Variants in THSD4 observed in about 807,000 individuals in gnomAD.
THSD4 encodes thrombospondin type 1 domain containing 4.
In THSD4, 69 loss-of-function variants were observed where a neutral mutation model predicts 119.0. That is an observed-to-expected ratio of 0.58 (90% CI 0.48 to 0.71). The LOEUF is 0.71. THSD4 is among the 30% of genes least tolerant of loss of function. The probability of loss-of-function intolerance (pLI) is 0.00; values close to 1 mark genes in which losing one functional copy is unlikely to be tolerated. For synonymous variants in THSD4, 524 were observed against 540.4 expected, an observed-to-expected ratio of 0.97 and a Z score of 0.42; for missense variants, 1,393 against 1,391.1, an observed-to-expected ratio of 1.00 and a Z score of -0.02.
At chr15:71,360,563 A>G (rs1308055074) in intron 6 of THSD4, among the ~76,000 whole-genome samples, 2 of 152,138 alleles carry the variant, frequency 1.3e-5, no homozygotes, top group Admixed American at 6.5e-5. Context: ...AGCAGGGTCC[A>G]GTTCTTTTGC....
chr15:71,316,143 T>A (rs1441563312), intron 6 of THSD4, among the ~76,000 whole-genome samples: 1 of 152,194 alleles, frequency 6.6e-6, no homozygotes, highest in Non-Finnish European at 1.5e-5. Context: ...TGGCTATGAC[T>A]GAAGTTACAC....
At chr15:71,517,635 G>A (rs2048379707) in intron 7 of THSD4, among the ~76,000 whole-genome samples, 1 of 152,188 alleles carries the variant, frequency 6.6e-6, no homozygotes, top group Non-Finnish European at 1.5e-5. Flanking sequence ...TCTCAGCTCT[G>A]TGTTAATGCA....
intron 6 of THSD4, chr15:71,341,705 C>A (rs372667876): frequency 3.4e-6 from 4 of 1,183,386 alleles, no homozygotes; most frequent in Non-Finnish European, 5.1e-6. Context: ...AAGTGAATAG[C>A]GAACCATTTT....
intron 7 of THSD4, among the ~76,000 whole-genome samples, chr15:71,540,848 G>A (rs2048750315): frequency 2.0e-5 from 3 of 149,440 alleles, no homozygotes; most frequent in East Asian, 2.0e-4. Flanking sequence ...TCAGCCTCCC[G>A]AGTAGATGGG....
intron 8 of THSD4, among the ~76,000 whole-genome samples, chr15:71,680,663 A>G (rs1294283867): frequency 6.6e-6 from 1 of 152,200 alleles, no homozygotes; most frequent in African/African-American, 2.4e-5. Context: ...TACTGTCTCA[A>G]ACATTTCAGT....
Position 71,765,785 on chromosome 15 carries a change from ACT to A in THSD4, c.2769+591_2769+592del, listed in dbSNP as rs1268256836. On this transcript the variant is annotated intron_variant, in intron 16 of 17. Coordinates refer to ENST00000261862, the MANE Select transcript of THSD4 (RefSeq NM_024817.3). The stretch of plus-strand genomic sequence containing the variant: ...ACATTACACAAACACACACGCACAC[ACT>A]CTCTGTGTGTGTGTGTGTGTGTGTG... Among the ~76,000 whole-genome samples the A allele has an allele frequency of 6.7e-3, 843 of 126,228 alleles. 11 individuals are homozygous for A. The highest frequency in any genetic ancestry group is 0.032 in the African/African-American group (805 of 24,872). 82.8% of individuals were successfully genotyped at this position (126,228 alleles called of 152,430 possible). A position where few individuals can be genotyped will look rare whatever the true frequency, so the allele number is the denominator to read the frequency against.
chr15:71,235,840 C>T (rs563544735), intron 4 of THSD4, among the ~76,000 whole-genome samples: 1 of 152,262 alleles, frequency 6.6e-6, no homozygotes, highest in South Asian at 2.1e-4. Context: ...ATTCTCCCAC[C>T]TCAGCCTCCG....
chr15:71,608,709 G>C (rs552996292), intron 7 of THSD4, among the ~76,000 whole-genome samples: 3 of 152,126 alleles, frequency 2.0e-5, no homozygotes, highest in Non-Finnish European at 4.4e-5. Flanking sequence ...TTTCCAAAAA[G>C]TCCTTCTAAT....
At chr15:71,712,777 A>G in intron 8 of THSD4, among the ~76,000 whole-genome samples, 1 of 152,224 alleles carries the variant, frequency 6.6e-6, no homozygotes, top group East Asian at 1.9e-4. Flanking sequence ...ACTGATACAC[A>G]CAACATGGAT....
intron 8 of THSD4, among the ~76,000 whole-genome samples, chr15:71,697,292 G>A (rs1358796220): frequency 1.3e-5 from 2 of 152,298 alleles, no homozygotes; most frequent in African/African-American, 2.4e-5. Context: ...GGGGGATGGA[G>A]GACAGCAGCA....
intron 6 of THSD4, among the ~76,000 whole-genome samples, chr15:71,392,745 C>A (rs1373629635): frequency 6.6e-6 from 1 of 152,206 alleles, no homozygotes; most frequent in Non-Finnish European, 1.5e-5. Flanking sequence ...ACTCAATGGC[C>A]ACCATCCAAA....
intron 1 of THSD4, among the ~76,000 whole-genome samples, chr15:71,100,128 T>A (rs899347569): frequency 6.6e-6 from 1 of 152,240 alleles, no homozygotes; most frequent in African/African-American, 2.4e-5. Flanking sequence ...AAATGGCCTC[T>A]ATTGAGTCCT....
At chr15:71,112,668 G>A (rs1358092269), upstream of THSD4, among the ~76,000 whole-genome samples, 1 of 152,186 alleles carries the variant, frequency 6.6e-6, no homozygotes, top group Non-Finnish European at 1.5e-5. Flanking sequence ...GCTAGCCTTT[G>A]ACTGTGATCT....
intron 3 of THSD4, 146 bp from the exon 4 acceptor site, chr15:71,214,889 C>G: frequency 8.4e-7 from 1 of 1,185,138 alleles, no homozygotes; most frequent in Non-Finnish European, 1.0e-6. Flanking sequence ...AAAACCGACT[C>G]TAAGCCAGGC....
chr15:71,562,200 G>T (rs911200876), intron 7 of THSD4, among the ~76,000 whole-genome samples: 2 of 152,258 alleles, frequency 1.3e-5, no homozygotes, highest in African/African-American at 4.8e-5. Context: ...AAAGCTTGGG[G>T]GTACTTGGAA....
chr15:71,350,344 G>A (rs1277026533), intron 6 of THSD4, among the ~76,000 whole-genome samples: 8 of 151,950 alleles, frequency 5.3e-5, no homozygotes. Flanking sequence ...CCTTCACTTT[G>A]AAGCAGACAT....
chr15:71,181,033 G>A (rs888816374), intron 3 of THSD4, among the ~76,000 whole-genome samples: 3 of 152,144 alleles, frequency 2.0e-5, no homozygotes, highest in Non-Finnish European at 4.4e-5. Flanking sequence ...GTGTGAGATT[G>A]TCCCTTGGGA....
intron 5 of THSD4, among the ~76,000 whole-genome samples, chr15:71,251,285 C>T (rs112186973): frequency 0.011 from 1,743 of 152,272 alleles, 12 homozygotes; most frequent in Middle Eastern, 0.024. Context: ...CAAGCAATTA[C>T]GGCTTCTGGA....
At chr15:71,370,073 G>T (rs573533001) in intron 6 of THSD4, among the ~76,000 whole-genome samples, 1 of 152,110 alleles carries the variant, frequency 6.6e-6, no homozygotes, top group African/African-American at 2.4e-5. Context: ...TTGTGTAGAG[G>T]TGTTTATAGT....
Sources: gnomAD v4.1 joint callset for allele counts (sites outside exome capture counted in the v4.1 genomes callset) on GRCh38, gnomAD v4.1.1 for gene constraint, MANE v1.5 for transcripts, NCBI Gene and HGNC (gene_info 2026-07-23, HGNC 2026-07-21) for gene names.